The following TLE1 variants were observed in gnomAD, a reference collection of about 807,000 sequenced individuals.
TLE1 encodes the protein transducin-like enhancer protein 1.
Under a neutral mutation model 89.8 loss-of-function variants are expected in TLE1, and 21 were observed. The observed-to-expected ratio is 0.23, with a 90% CI of 0.17 to 0.34. The LOEUF is 0.34. Ranked by LOEUF, TLE1 falls within the 10% of genes least tolerant of loss-of-function variation. TLE1 has a pLI of 1.00. For missense variants in TLE1, 795 were observed against 1,031.2 expected, an observed-to-expected ratio of 0.77 and a Z score of 3.14; for synonymous variants, 447 against 407.6, an observed-to-expected ratio of 1.10 and a Z score of -1.16.
intron 8 of TLE1, 47 bp downstream of exon 8, chr9:81,633,301 G>GTA: frequency 1.3e-6 from 1 of 776,628 alleles, no homozygotes; most frequent in Non-Finnish European, 1.6e-6. Context: ...GTGTGTGTGT[G>GTA]TGTGTGTGTG....
chr9:81,685,590 A>G, intron 4 of TLE1, 86 bp downstream of exon 4: 1 of 1,384,280 alleles, frequency 7.2e-7, no homozygotes. Context: ...CCCCACCCCT[A>G]GAGCCCACTA....
At chr9:81,671,109 G>A (rs778371456) in intron 4 of TLE1, among the ~76,000 whole-genome samples, 7 of 151,906 alleles carry the variant, frequency 4.6e-5, no homozygotes, top group African/African-American at 1.5e-4. Context: ...CAATGACTGC[G>A]GTGAACTGAG....
chr9:81,609,377 G>A (rs556938290), intron 14 of TLE1, among the ~76,000 whole-genome samples: 1 of 152,324 alleles, frequency 6.6e-6, no homozygotes, highest in East Asian at 1.9e-4. Context: ...GAGCCACTGC[G>A]CCTGGCCTCT....
intron 6 of TLE1, among the ~76,000 whole-genome samples, chr9:81,643,228 T>G (rs955643854): frequency 6.9e-6 from 1 of 144,658 alleles, no homozygotes; most frequent in Non-Finnish European, 1.5e-5. Context: ...GTGGTGTGTT[T>G]GTTTTTTGTT....
At position 81,610,234 on chromosome 9, in the gene TLE1, G is replaced by A. The variant is rs1374778450; in HGVS notation, c.1317C>T (p.Ile439=). Residue 439 remains isoleucine, a synonymous_variant, in exon 14 of 20, where the codon ATC becomes ATT. Coordinates refer to ENST00000376499, the MANE Select transcript of TLE1 (RefSeq NM_005077.5). The part of the protein sequence containing the change: ...VPTIPPNLAG[I]PGGKPAYSFH... ...GAGGTACTTACGGTTTCCCCCCAGGGATTCCTGCCAGGTTTGGAGGAATGG... is the reference window on the plus strand; with the variant it reads ...GAGGTACTTACGGTTTCCCCCCAGGAATTCCTGCCAGGTTTGGAGGAATGG... The A allele has an allele frequency of 1.9e-6, 3 of 1,613,944 alleles. No individual in the cohort carries two copies. Among genetic ancestry groups the A allele is most frequent in the African/African-American group, 2.7e-5 (2 of 75,026 alleles).
At chr9:81,676,364 C>T (rs2133045657) in intron 4 of TLE1, among the ~76,000 whole-genome samples, 1 of 152,262 alleles carries the variant, frequency 6.6e-6, no homozygotes, top group Non-Finnish European at 1.5e-5. Context: ...GGACACTGAG[C>T]AAAACAAGTG....
chr9:81,662,422 C>A (rs1830933049), intron 4 of TLE1, among the ~76,000 whole-genome samples: 1 of 143,162 alleles, frequency 7.0e-6, no homozygotes, highest in Non-Finnish European at 1.5e-5. Context: ...GGGCCAGGAG[C>A]TGTGGCTCAC....
intron 6 of TLE1, among the ~76,000 whole-genome samples, chr9:81,640,660 C>T (rs1386938174): frequency 1.3e-5 from 2 of 152,302 alleles, no homozygotes; most frequent in East Asian, 1.9e-4. Flanking sequence ...ACAACAGCCA[C>T]GCATTGAGAA....
chr9:81,607,587 G>A (rs1189753167), intron 14 of TLE1, among the ~76,000 whole-genome samples: 1 of 152,156 alleles, frequency 6.6e-6, no homozygotes, highest in African/African-American at 2.4e-5. Context: ...AAGGTTCATT[G>A]GTTACTGGTA....
rs765164451 is a variant in TLE1 at position 81,587,666 on chromosome 9, A to G, written c.1977+15T>C. ...ACCTCCCAGACTCCAGGGCAGGCGGAAGCCACTCAGTCACCTGGGAGGTGA... is the reference window on the plus strand; with the variant it reads ...ACCTCCCAGACTCCAGGGCAGGCGGGAGCCACTCAGTCACCTGGGAGGTGA... On this transcript the variant is annotated intron_variant, in intron 17 of 19. Transcript: ENST00000376499. 3 of 1,604,324 alleles carry G rather than the reference A, an allele frequency of 1.9e-6. No homozygotes were observed. The African/African-American group carries it at 4.0e-5, about 21-fold the overall frequency.
chr9:81,649,855 AG>A (rs1829326648), intron 6 of TLE1, among the ~76,000 whole-genome samples: 7 of 152,226 alleles, frequency 4.6e-5, no homozygotes, highest in Admixed American at 3.3e-4. Context: ...TCAATTTTCC[AG>A]AACGCACACA....
chr9:81,592,985 G>A, intron 15 of TLE1, 40 bp downstream of exon 15: 1 of 1,589,914 alleles, frequency 6.3e-7, no homozygotes, highest in Non-Finnish European at 8.6e-7. Context: ...TGAATCTCCA[G>A]GGAGAAATTG....
chr9:81,650,829 A>C (rs1829444467), intron 6 of TLE1, among the ~76,000 whole-genome samples: 1 of 152,182 alleles, frequency 6.6e-6, no homozygotes, highest in African/African-American at 2.4e-5. Flanking sequence ...AATCCACTGA[A>C]GCTCCCCATT....
intron 1 of TLE1, 123 bp downstream of exon 1, chr9:81,688,094 A>G (rs1270164262): frequency 3.1e-6 from 4 of 1,301,298 alleles, no homozygotes; most frequent in Middle Eastern, 1.8e-4. Context: ...AGACCTCCCC[A>G]GCCTTACACC....
At chr9:81,598,290 T>G (rs1028645629) in intron 14 of TLE1, among the ~76,000 whole-genome samples, 1 of 152,016 alleles carries the variant, frequency 6.6e-6, no homozygotes, top group Non-Finnish European at 1.5e-5. Flanking sequence ...CTGTCACATC[T>G]CCAAGTTGCG....
In TLE1 at chr9:81,688,289, G is replaced by A. The variant is rs755203537; in HGVS notation, c.-49C>T. The stretch of plus-strand genomic sequence containing the variant: ...TGTTCCCCGGCAACTCAATTCTCCG[G>A]TCAATTTCCAACTTTAATCCCGCCG... On this transcript the variant is annotated 5_prime_UTR_variant, in exon 1 of 20. Transcript: ENST00000376499. 6.6e-6 allele frequency: 10 copies of A among 1,521,410 alleles called. No individual in the cohort carries two copies. The highest frequency in any genetic ancestry group is 1.9e-4 in the Middle Eastern group (1 of 5,178). 94.2% of individuals were successfully genotyped at this position (1,521,410 alleles called of 1,614,324 possible).
At chr9:81,584,969 T>TCCATCCAC (rs1828158761) in intron 18 of TLE1, among the ~76,000 whole-genome samples, 1 of 147,876 alleles carries the variant, frequency 6.8e-6, no homozygotes, top group Admixed American at 6.7e-5. Context: ...CATCCACCCA[T>TCCATCCAC]CCATCCATCC....
At chr9:81,605,764 C>G (rs1831565237) in intron 14 of TLE1, among the ~76,000 whole-genome samples, 1 of 150,470 alleles carries the variant, frequency 6.6e-6, no homozygotes, top group South Asian at 2.1e-4. Flanking sequence ...CCAAAATAGA[C>G]AAATGGGATC....
chr9:81,612,101 T>C (rs1823792275), intron 12 of TLE1, 142 bp from the exon 13 acceptor site: 2 of 688,220 alleles, frequency 2.9e-6, no homozygotes, highest in Middle Eastern at 2.6e-4. Flanking sequence ...GAAAATCACC[T>C]CCAATTTATA....
Sources: gnomAD v4.1 joint callset for allele counts (sites outside exome capture counted in the v4.1 genomes callset) on GRCh38, gnomAD v4.1.1 for gene constraint, MANE v1.5 for transcripts, NCBI Gene and HGNC (gene_info 2026-07-23, HGNC 2026-07-21) for gene names.